The following RBFOX1 variants were observed in gnomAD, a reference collection of about 807,000 sequenced individuals.
The protein encoded by RBFOX1 is RNA binding protein fox-1 homolog 1.
RBFOX1 carries 8 observed loss-of-function variants against 57.7 expected under a neutral mutation model. The observed-to-expected ratio is 0.14, with a 90% CI of 0.08 to 0.25. RBFOX1 has a LOEUF of 0.25. Ranked by LOEUF, RBFOX1 falls within the 10% of genes least tolerant of loss-of-function variation. The pLI is 1.00. For missense variants in RBFOX1, 611 were observed against 548.5 expected (o/e 1.11, Z -1.14); for synonymous variants, 326 against 222.4 (o/e 1.47, Z -4.15).
intron 11 of RBFOX1, among the ~76,000 whole-genome samples, chr16:7,649,767 C>G (rs903310903): frequency 2.0e-5 from 3 of 152,144 alleles, no homozygotes; most frequent in Admixed American, 1.3e-4. Flanking sequence ...GTGGAGATCA[C>G]CACCCTTACG....
intron 3 of RBFOX1, among the ~76,000 whole-genome samples, chr16:5,824,299 A>G (rs1407260925): frequency 2.0e-5 from 3 of 152,324 alleles, no homozygotes; most frequent in Admixed American, 2.0e-4. Flanking sequence ...GGATGGTAGA[A>G]GGGGGCTGCC....
Position 6,936,785 on chromosome 16 carries a change from C to T in RBFOX1, c.-15-115272C>T, listed in dbSNP as rs558611413. Among the ~76,000 whole-genome samples the T allele has an allele frequency of 3.3e-5, 5 of 151,898 alleles. No homozygotes were observed. The South Asian group carries it at 8.3e-4, about 25-fold the overall frequency. On this transcript the variant is annotated intron_variant, in intron 3 of 15. Transcript: ENST00000550418. ...TAATTCAAAGCAGATAAAATTGTTG[C>T]CTCTTGAAAGCCTGTGCCCAAAACG... is the stretch of plus-strand genomic sequence containing the variant.
At chr16:6,403,732 C>T (rs922564274) in intron 2 of RBFOX1, among the ~76,000 whole-genome samples, 2 of 152,238 alleles carry the variant, frequency 1.3e-5, no homozygotes, top group African/African-American at 4.8e-5. Flanking sequence ...CACCGAAGGA[C>T]TGTGGAGGCA....
At chr16:7,710,329 T>C (rs1290244417) in intron 15 of RBFOX1, 56 of 1,233,230 alleles carry the variant, frequency 4.5e-5, no homozygotes, top group African/African-American at 6.3e-5. Flanking sequence ...TATTCTGTTA[T>C]AAAAAAATGA....
chr16:6,217,697 C>T (rs978150011), intron 1 of RBFOX1, among the ~76,000 whole-genome samples: 9 of 152,172 alleles, frequency 5.9e-5, no homozygotes, highest in African/African-American at 1.2e-4. Flanking sequence ...GCACAGACAC[C>T]TGACACCTAG....
At chr16:6,749,099 T>C (rs188055950) in intron 3 of RBFOX1, 43 of 152,294 alleles carry the variant, frequency 2.8e-4, no homozygotes, top group African/African-American at 1.0e-3. Context: ...GTGAAAAGTA[T>C]TGGAAACCAA....
At chr16:5,654,751 T>G (rs2049369194) in intron 3 of RBFOX1, among the ~76,000 whole-genome samples, 2 of 152,158 alleles carry the variant, frequency 1.3e-5, no homozygotes, top group South Asian at 4.1e-4. Flanking sequence ...CTTTGCCATG[T>G]TCTCCTTTCC....
chr16:7,704,298 T>C lies in RBFOX1; in HGVS notation c.996-4758T>C, dbSNP rs56396657. On this transcript the variant is annotated intron_variant, in intron 14 of 15. Coordinates refer to ENST00000550418, the MANE Select transcript of RBFOX1 (RefSeq NM_018723.4). ...ATTAGCCAGGAAAGCAGTCCTCTTTTATATCTTTGTTTAGTTTTTCCCTGA... is the reference window on the plus strand; with the variant it reads ...ATTAGCCAGGAAAGCAGTCCTCTTTCATATCTTTGTTTAGTTTTTCCCTGA... Among the ~76,000 whole-genome samples, 484 of 152,328 alleles carry C rather than the reference T, an allele frequency of 3.2e-3. 5 individuals are homozygous for C. Among genetic ancestry groups the C allele is most frequent in the African/African-American group, 0.011 (456 of 41,568 alleles).
At chr16:6,160,261 G>GTT (rs1567586190) in intron 1 of RBFOX1, among the ~76,000 whole-genome samples, 1 of 152,002 alleles carries the variant, frequency 6.6e-6, no homozygotes, top group African/African-American at 2.4e-5. Flanking sequence ...TGTTGCCTCT[G>GTT]TTTTTTTCTT....
At chr16:5,875,409 C>T (rs1212563354) in intron 4 of RBFOX1, among the ~76,000 whole-genome samples, 2 of 152,108 alleles carry the variant, frequency 1.3e-5, no homozygotes, top group South Asian at 2.1e-4. Flanking sequence ...TGGTGAAACT[C>T]GGGCAAATGA....
At chr16:6,814,430 G>A (rs2089573842) in intron 3 of RBFOX1, among the ~76,000 whole-genome samples, 1 of 152,234 alleles carries the variant, frequency 6.6e-6, no homozygotes, top group East Asian at 1.9e-4. Context: ...GCCTGACATT[G>A]GGTGGTAGAA....
At chr16:7,150,371 G>T (rs996185058) in intron 4 of RBFOX1, among the ~76,000 whole-genome samples, 2 of 152,098 alleles carry the variant, frequency 1.3e-5, no homozygotes, top group Non-Finnish European at 2.9e-5. Flanking sequence ...AATGCCCTAT[G>T]ATTTGAGATT....
chr16:6,584,588 C>G (rs1600628951), intron 2 of RBFOX1, among the ~76,000 whole-genome samples: 1 of 151,922 alleles, frequency 6.6e-6, no homozygotes, highest in African/African-American at 2.4e-5. Flanking sequence ...AGGCTGGTCT[C>G]AAACTCCTCA....
At chr16:6,191,328 C>T (rs945382260) in intron 1 of RBFOX1, among the ~76,000 whole-genome samples, 7 of 152,012 alleles carry the variant, frequency 4.6e-5, no homozygotes, top group Non-Finnish European at 7.4e-5. Context: ...TAAGCTTTCT[C>T]CTATAGCAGA....
At chr16:6,803,968 A>G (rs1404046069) in intron 3 of RBFOX1, among the ~76,000 whole-genome samples, 1 of 152,112 alleles carries the variant, frequency 6.6e-6, no homozygotes, top group East Asian at 1.9e-4. Context: ...TTTGCACGTT[A>G]TAACATATGA....
At chr16:7,669,193 C>G (rs1733032234) in intron 13 of RBFOX1, among the ~76,000 whole-genome samples, 4 of 152,168 alleles carry the variant, frequency 2.6e-5, no homozygotes, top group Admixed American at 2.6e-4. Context: ...TGTGACCCAC[C>G]ATGACTGACC....
intron 2 of RBFOX1, among the ~76,000 whole-genome samples, chr16:6,326,579 G>A (rs530176204): frequency 2.6e-5 from 4 of 151,986 alleles, no homozygotes; most frequent in South Asian, 2.1e-4. Flanking sequence ...GGGTTGTTTC[G>A]TCTCCCAGCA....
chr16:5,750,399 G>T (rs1032315450), intron 3 of RBFOX1, among the ~76,000 whole-genome samples: 11 of 152,204 alleles, frequency 7.2e-5, no homozygotes, highest in Non-Finnish European at 1.6e-4. Context: ...AAAGCTGTCA[G>T]ACAGGGACAT....
At chr16:7,479,210 G>A (rs1199065007) in intron 4 of RBFOX1, among the ~76,000 whole-genome samples, 1 of 149,100 alleles carries the variant, frequency 6.7e-6, no homozygotes, top group Non-Finnish European at 1.5e-5. Flanking sequence ...TGCAACTTCT[G>A]CCTCCCGAGT....
Sources: gnomAD v4.1 joint callset for allele counts (sites outside exome capture counted in the v4.1 genomes callset) on GRCh38, gnomAD v4.1.1 for gene constraint, MANE v1.5 for transcripts, NCBI Gene and HGNC (gene_info 2026-07-23, HGNC 2026-07-21) for gene names.